Variants in VPS35 observed in about 807,000 individuals in gnomAD.
The protein encoded by VPS35 is VPS35 retromer complex component.
Under a neutral mutation model 98.1 loss-of-function variants are expected in VPS35, and 21 were observed. That is an observed-to-expected ratio of 0.21 (90% CI 0.15 to 0.31). The LOEUF (loss-of-function observed/expected upper bound fraction) is 0.31. Among genes scored for constraint, VPS35 ranks in the 10% least tolerant of loss-of-function variants. The pLI, the probability that VPS35 is intolerant of heterozygous loss-of-function variation, is 1.00. For missense variants in VPS35, 554 were observed against 950.8 expected, an observed-to-expected ratio of 0.58 and a Z score of 5.49; for synonymous variants, 268 against 318.2, an observed-to-expected ratio of 0.84 and a Z score of 1.68.
intron 1 of VPS35, 168 bp downstream of exon 1, chr16:46,688,963 C>A (rs1382008698): frequency 6.6e-7 from 1 of 1,506,936 alleles, no homozygotes; most frequent in Non-Finnish European, 8.9e-7. Context: ...ATCAGCCTGC[C>A]CGCGGCCTTC....
rs552177866 is a variant in VPS35, at chr16:46,668,836, C to T, written c.1647+94G>A. 203 of 1,530,784 alleles carry T rather than the reference C, an allele frequency of 1.3e-4. 1 individual carries two copies. The South Asian group carries it at 1.8e-3, about 14-fold the overall frequency. 94.8% of individuals were successfully genotyped at this position (1,530,784 alleles called of 1,614,324 possible). ...TATTATACCACTGTCTATTTTTGTA[C>T]GTTTGAAATTTTTTATAATATAAAA... On this transcript the variant is annotated intron_variant, in intron 13 of 16. Transcript: ENST00000299138.
rs1294589315 is a variant in VPS35 at position 46,661,160 on chromosome 16, CA to C, written c.2212-510del. On this transcript the variant is annotated intron_variant, in intron 16 of 16. Coordinates refer to ENST00000299138, the MANE Select transcript of VPS35 (RefSeq NM_018206.6). This position sits in a 1 kb window ranked among gnomAD's most constrained non-coding sequence, Gnocchi z 4.3. ...ACTCTGTCAAAAAAAGAAAAACAAG[CA>C]AAATTTTATTTAACTTACAAATCTT... Among the ~76,000 whole-genome samples the C allele has an allele frequency of 6.6e-6, 1 of 152,034 alleles. No individual in the cohort carries two copies. Among genetic ancestry groups the C allele is most frequent in the Admixed American group, 6.6e-5 (1 of 15,236 alleles).
rs1966167683 is a variant in VPS35, at chr16:46,677,372, T to C, written c.747A>G (p.Gln249=). ...KQIVLTGILE[Q]VVNCRDALAQ... is the part of the protein sequence containing the mutation. ...CCAAAGCATCCCTACAGTTTACAAC[T>C]TGCTCCAATATGCCAGTCAAAACAA... Residue 249 remains glutamine (Q), a synonymous_variant, in exon 7 of 17, where the codon CAA becomes CAG. Coordinates refer to ENST00000299138, the MANE Select transcript of VPS35 (RefSeq NM_018206.6). The C allele has an allele frequency of 5.0e-6, 8 of 1,613,990 alleles. No homozygotes were observed. Among genetic ancestry groups the C allele is most frequent in the Non-Finnish European group, 5.9e-6 (7 of 1,179,924 alleles).
In VPS35 at chr16:46,662,240, T is replaced by C. The variant is rs182929141; in HGVS notation, c.2067+3A>G. 6.2e-7 allele frequency: 1 copy of C among 1,614,160 alleles called. No homozygotes were observed. The highest frequency in any genetic ancestry group is 8.5e-7 in the Non-Finnish European group (1 of 1,180,028). Reference sequence around the variant, plus strand: ...GCTATCATGCAGTCAGGAATGACCTTACCTCCTCCCCATTTTTGTCCGTGT... The same window carrying C: ...GCTATCATGCAGTCAGGAATGACCTCACCTCCTCCCCATTTTTGTCCGTGT... On this transcript the variant is annotated splice_donor_region_variant and intron_variant, in intron 15 of 16. Transcript: ENST00000299138.
At chr16:46,686,131 C>CAA (rs1176678286) in intron 1 of VPS35, among the ~76,000 whole-genome samples, 1 of 152,082 alleles carries the variant, frequency 6.6e-6, no homozygotes, top group African/African-American at 2.4e-5. Context: ...TGAAATCATA[C>CAA]AATATTTTTA....
At chr16:46,688,720 G>A (rs1241658357) in intron 1 of VPS35, 9 of 1,172,124 alleles carry the variant, frequency 7.7e-6, no homozygotes, top group African/African-American at 1.6e-5. Context: ...CGCAACATCT[G>A]GGCGGGTCCC....
intron 6 of VPS35, among the ~76,000 whole-genome samples, chr16:46,678,305 TAAAAAAAA>T (rs58288436): frequency 8.4e-5 from 10 of 119,390 alleles, no homozygotes; most frequent in East Asian, 7.3e-4. Flanking sequence ...TGATGAGCTT[TAAAAAAAA>T]AAAAAAAAAA....
In VPS35 at chr16:46,689,145, A is replaced by G. The variant is rs1462666532; in HGVS notation, c.-12T>C. On this transcript the variant is annotated 5_prime_UTR_variant, in exon 1 of 17. Coordinates refer to ENST00000299138, the MANE Select transcript of VPS35 (RefSeq NM_018206.6). Reference sequence around the variant, plus strand: ...TCAGCACTCACCATGGCGACTCCCCAGAGCCTGCAGCAAGCAGCACCCGCC... The same window carrying G: ...TCAGCACTCACCATGGCGACTCCCCGGAGCCTGCAGCAAGCAGCACCCGCC... The G allele has an allele frequency of 3.7e-6, 6 of 1,608,684 alleles. No homozygotes were observed. The highest frequency in any genetic ancestry group is 5.1e-6 in the Non-Finnish European group (6 of 1,178,482).
intron 13 of VPS35, 76 bp downstream of exon 13, chr16:46,668,854 A>G (rs546711965): frequency 6.4e-7 from 1 of 1,574,592 alleles, no homozygotes; most frequent in East Asian, 2.2e-5. Context: ...ATTTTTTATA[A>G]TATAAAACAA....
At chr16:46,688,674 G>A in intron 1 of VPS35, 1 of 1,057,436 alleles carries the variant, frequency 9.5e-7, no homozygotes, top group Non-Finnish European at 1.1e-6. Flanking sequence ...GGAGGGCGTG[G>A]GGACGGCCGA....
chr16:46,660,820 CAAAAAA>C (rs33973421), intron 16 of VPS35, 169 bp from the exon 17 acceptor site: 9 of 340,962 alleles, frequency 2.6e-5, no homozygotes, highest in South Asian at 1.1e-4. Context: ...TACTGACTAT[CAAAAAA>C]AAAAAAAAAA....
intron 13 of VPS35, among the ~76,000 whole-genome samples, chr16:46,666,708 C>A (rs1965995270): frequency 6.6e-6 from 1 of 152,160 alleles, no homozygotes; most frequent in African/African-American, 2.4e-5. Flanking sequence ...GAACAATGTC[C>A]TCCAGATTAA....
intron 8 of VPS35, 175 bp downstream of exon 8, chr16:46,676,408 C>T: frequency 1.7e-6 from 1 of 596,616 alleles, no homozygotes; most frequent in Admixed American, 2.9e-5. Flanking sequence ...TCTTTCATGT[C>T]TAACCTAGAC....
chr16:46,672,361 G>C lies in VPS35; in HGVS notation c.1272C>G (p.Leu424=). The change falls in exon 11 of 17, where the codon CTC becomes CTG. Residue 424 remains leucine, a synonymous_variant. Coordinates refer to ENST00000299138, the MANE Select transcript of VPS35 (RefSeq NM_018206.6). ...TGGACTCGTAGTCAAAGTACTCAAA[G>C]AGTGGGTGAAAATGTTTTAATTTCA... is the stretch of plus-strand genomic sequence containing the variant. The part of the protein sequence containing the change: ...TVLKLKHFHP[L]FEYFDYESRK... 6.2e-7 allele frequency: 1 copy of C among 1,613,800 alleles called. No individual in the cohort carries two copies.
chr16:46,682,287 G>C, intron 2 of VPS35, 112 bp from the exon 3 acceptor site: 1 of 830,282 alleles, frequency 1.2e-6, no homozygotes, highest in South Asian at 1.5e-5. Context: ...AAAGAATACC[G>C]CACTTAAATG....
intron 13 of VPS35, among the ~76,000 whole-genome samples, chr16:46,666,900 G>C (rs924828482): frequency 1.3e-5 from 2 of 152,050 alleles, no homozygotes; most frequent in African/African-American, 4.8e-5. Context: ...CCATATCTCA[G>C]CCATTGTGAA....
At position 46,663,013 on chromosome 16, in the gene VPS35, A is replaced by G. The variant is rs1480644036; in HGVS notation, c.1797T>C (p.His599=). Residue 599 remains histidine (H), a synonymous_variant, in exon 14 of 17, where the codon CAT becomes CAC. Transcript: ENST00000299138. The part of the protein sequence containing the change: ...LAAGEIGFEN[H]ETVAYEFMSQ... ...ACATGAATTCATATGCGACTGTCTC[A>G]TGATTTTCAAAACCAATTTCCCCAG... 2 of 1,614,008 alleles carry G rather than the reference A, an allele frequency of 1.2e-6. No individual in the cohort carries two copies. Among genetic ancestry groups the G allele is most frequent in the South Asian group, 2.2e-5 (2 of 91,076 alleles).
intron 14 of VPS35, 138 bp downstream of exon 14, chr16:46,662,845 G>T: frequency 2.1e-6 from 2 of 934,894 alleles, no homozygotes; most frequent in South Asian, 1.4e-5. Flanking sequence ...ATATTAACAG[G>T]TTCCATGATG....
chr16:46,661,939 G>C lies in VPS35; in HGVS notation c.2068-78C>G. 1 of 1,585,390 alleles carries C rather than the reference G, an allele frequency of 6.3e-7. No individual in the cohort carries two copies. ...TCATACAAAGAAACACAACACTACC[G>C]TGGCTCTTTCGTGTTTTAAAGGGAC... On this transcript the variant is annotated intron_variant, in intron 15 of 16. Coordinates refer to ENST00000299138, the MANE Select transcript of VPS35 (RefSeq NM_018206.6). This position sits in a 1 kb window ranked among gnomAD's most constrained non-coding sequence, Gnocchi z 4.3.
Sources: allele counts gnomAD v4.1 joint callset (sites outside exome capture counted in the v4.1 genomes callset), GRCh38; gene constraint gnomAD v4.1.1; non-coding constraint Gnocchi (gnomAD v3.1); transcripts MANE v1.5; gene names NCBI Gene and HGNC (gene_info 2026-07-23, HGNC 2026-07-21).